OPLAH: variants seen among roughly 807,000 people sequenced by gnomAD.
OPLAH encodes 5-oxoprolinase, ATP-hydrolysing.
A neutral mutation model predicts 122.8 loss-of-function variants in OPLAH; 103 were observed. That is an observed-to-expected ratio of 0.84 (90% CI 0.71 to 0.99). The LOEUF (loss-of-function observed/expected upper bound fraction) is 0.99, where lower values mean the gene tolerates loss of function less well. Among genes scored for constraint, OPLAH ranks in the 50% least tolerant of loss-of-function variants. The probability of loss-of-function intolerance (pLI) is 0.00; values close to 1 mark genes in which losing one functional copy is unlikely to be tolerated. For missense variants in OPLAH, 1,902 were observed against 1,836.5 expected, an observed-to-expected ratio of 1.04 and a Z score of -0.65; for synonymous variants, 875 against 796.0, an observed-to-expected ratio of 1.10 and a Z score of -1.67.
At chr8:144,063,769 G>T (rs1554761265), upstream of OPLAH, 1 of 152,462 alleles carries the variant, frequency 6.6e-6, no homozygotes, top group Non-Finnish European at 1.5e-5. The surrounding 1 kb of genome is among the most constrained non-coding windows in gnomAD (Gnocchi z 4.2). Flanking sequence ...ACCTCAGCCA[G>T]GAACCCGGAG....
In OPLAH at chr8:144,052,497, G is replaced by C. The variant is rs782771293; in HGVS notation, c.3255C>G (p.Arg1085=). 2 of 1,569,050 alleles carry C rather than the reference G, an allele frequency of 1.3e-6. No individual in the cohort carries two copies. The highest frequency in any genetic ancestry group is 1.2e-5 in the South Asian group (1 of 86,592). The change falls in exon 23 of 27, where the codon CGC becomes CGG. Residue 1085 remains arginine, a synonymous_variant. Transcript: ENST00000618853. ...AGGCCCCCAGGATGACATCCACCAC[G>C]CGCTGCGACGTGAGCACGTTGCCGC... ...VVGGNVLTSQ[R]VVDVILGAFG...
Position 144,051,293 on chromosome 8 carries a change from C to T in OPLAH, c.*33G>A, listed in dbSNP as rs781991509. 5 of 1,608,612 alleles carry T rather than the reference C, an allele frequency of 3.1e-6. No homozygotes were observed. Among genetic ancestry groups the T allele is most frequent in the East Asian group, 2.3e-5 (1 of 44,396 alleles). ...GGCGCCGTAGCTGCGTCCCCAGAACCGGGAGACTTAAGGCATCTTTATTGC... is the reference window on the plus strand; with the variant it reads ...GGCGCCGTAGCTGCGTCCCCAGAACTGGGAGACTTAAGGCATCTTTATTGC... On this transcript the variant is annotated 3_prime_UTR_variant, in exon 27 of 27. Coordinates refer to ENST00000618853, the MANE Select transcript of OPLAH (RefSeq NM_017570.5).
chr8:144,051,151 G>A, downstream of OPLAH: 1 of 1,427,880 alleles, frequency 7.0e-7, no homozygotes, highest in Non-Finnish European at 9.1e-7. Context: ...GCCCTGGAGG[G>A]GCTCACGGAC....
At chr8:144,063,301 CA>C (rs1217907861), upstream of OPLAH, among the ~76,000 whole-genome samples, 9 of 152,214 alleles carry the variant, frequency 5.9e-5, no homozygotes, top group Admixed American at 6.5e-5. The surrounding 1 kb of genome is among the most constrained non-coding windows in gnomAD (Gnocchi z 4.2). Flanking sequence ...CTGTTACTTT[CA>C]CCTTCAGAAC....
chr8:144,058,628 T>G lies in OPLAH; in HGVS notation c.651A>C (p.Ser217=), dbSNP rs1554760090. Residue 217 remains serine, a synonymous_variant, in exon 6 of 27, where the codon TCA becomes TCC. Transcript: ENST00000618853. The part of the protein sequence containing the change: ...LARELGFTHV[S]LSSEAMPMVR... Reference sequence around the variant, plus strand: ...CCATGGGCATGGCCTCCGAGGACAGTGACACGTGCGTGAAGCCCAGCTCCC... The same window carrying G: ...CCATGGGCATGGCCTCCGAGGACAGGGACACGTGCGTGAAGCCCAGCTCCC... The G allele has an allele frequency of 6.2e-7, 1 of 1,603,040 alleles. No individual in the cohort carries two copies. Among genetic ancestry groups the G allele is most frequent in the South Asian group, 1.1e-5 (1 of 90,938 alleles).
upstream of OPLAH, among the ~76,000 whole-genome samples, chr8:144,062,779 C>T (rs957511088): frequency 6.6e-6 from 1 of 151,912 alleles, no homozygotes; most frequent in Non-Finnish European, 1.5e-5. Flanking sequence ...CCTCGCCTCT[C>T]TGTTCACTCC....
intron 14 of OPLAH, 29 bp from the exon 15 acceptor site, chr8:144,056,288 C>G: frequency 3.1e-6 from 5 of 1,601,774 alleles, no homozygotes; most frequent in Non-Finnish European, 4.3e-6. Context: ...AGTACAGCGC[C>G]CGGGCCCAGC....
Position 144,058,222 on chromosome 8 carries a change from G to A in OPLAH, c.949+17C>T, listed in dbSNP as rs545310887. On this transcript the variant is annotated intron_variant, in intron 7 of 26. Transcript: ENST00000618853. ...GCAGCTGAGCCTCCCCGAGACCCCA[G>A]CCCTCGGCCCTCATACCTCCCATGT... 4 of 1,604,758 alleles carry A rather than the reference G, an allele frequency of 2.5e-6. No homozygotes were observed. The highest frequency in any genetic ancestry group is 2.7e-5 in the African/African-American group (2 of 74,868).
chr8:144,051,549 C>T (rs1554757664), intron 26 of OPLAH, 77 bp from the exon 27 acceptor site: 2 of 1,253,772 alleles, frequency 1.6e-6, no homozygotes, highest in Non-Finnish European at 2.2e-6. Flanking sequence ...CAGTCCCCTC[C>T]CCACCGGGCA....
chr8:144,051,460 G>A lies in OPLAH; in HGVS notation c.3733C>T (p.Leu1245Phe), dbSNP rs1835372776. The change falls in exon 27 of 27, where the codon CTC (leucine) becomes TTC (phenylalanine). Residue 1245 changes from leucine (L) to phenylalanine (F), a missense_variant. By Grantham distance (22) the Leu-to-Phe change is conservative (BLOSUM62 0). Coordinates refer to ENST00000618853, the MANE Select transcript of OPLAH (RefSeq NM_017570.5). Reference protein sequence around the residue: ...VTVYPGDVFCLHTPGGGGYGD... With the variant: ...VTVYPGDVFCFHTPGGGGYGD... ...TAGCCACCGCCGCCGGGCGTGTGGA[G>A]ACAGAACACATCCTGTTGGCGCGGG... 9.7e-7 allele frequency: 1 copy of A among 1,033,374 alleles called. No individual in the cohort carries two copies. The highest frequency in any genetic ancestry group is 1.9e-5 in the African/African-American group (1 of 52,706). 64.0% of individuals were successfully genotyped at this position (1,033,374 alleles called of 1,614,324 possible).
downstream of OPLAH, chr8:144,050,859 G>T: frequency 1.0e-6 from 1 of 991,990 alleles, no homozygotes. Context: ...TGCCGAGGCG[G>T]TGAGTTGCGA....
rs1554759887 is a variant in OPLAH, at chr8:144,058,220, C to T, written c.949+19G>A. 1.9e-6 allele frequency: 3 copies of T among 1,604,852 alleles called. No homozygotes were observed. Among genetic ancestry groups the T allele is most frequent in the Non-Finnish European group, 2.6e-6 (3 of 1,174,206 alleles). On this transcript the variant is annotated intron_variant, in intron 7 of 26. Coordinates refer to ENST00000618853, the MANE Select transcript of OPLAH (RefSeq NM_017570.5). ...CAGCAGCTGAGCCTCCCCGAGACCC[C>T]AGCCCTCGGCCCTCATACCTCCCAT... is the stretch of plus-strand genomic sequence containing the variant.
chr8:144,055,167 C>T lies in OPLAH; in HGVS notation c.2271G>A (p.Gln757=). Residue 757 remains glutamine (Q), a synonymous_variant, in exon 17 of 27, where the codon CAG becomes CAA. Transcript: ENST00000618853. This position sits in a 1 kb window ranked among gnomAD's most constrained non-coding sequence, Gnocchi z 6.5. Reference sequence around the variant, plus strand: ...TGATGTTGGTGGAGATGGCTGTGCGCTGCAGGATGCGGCCCATCTGCTCTA... The same window carrying T: ...TGATGTTGGTGGAGATGGCTGTGCGTTGCAGGATGCGGCCCATCTGCTCTA... ...SIAEQMGRIL[Q]RTAISTNIKE... is the part of the protein sequence containing the mutation. 6 of 1,554,758 alleles carry T rather than the reference C, an allele frequency of 3.9e-6. No homozygotes were observed. The highest frequency in any genetic ancestry group is 5.2e-6 in the Non-Finnish European group (6 of 1,152,104).
At position 144,052,758 on chromosome 8, in the gene OPLAH, C is replaced by A. The variant is rs782631250; in HGVS notation, c.3153+8G>T. ...GGGGCCCCCCCTCGCGCACACACCC[C>A]TGCGAACCTGGTTGAGTGGGATGTC... On this transcript the variant is annotated splice_region_variant and intron_variant, in intron 22 of 26. Coordinates refer to ENST00000618853, the MANE Select transcript of OPLAH (RefSeq NM_017570.5). 6 of 1,564,552 alleles carry A rather than the reference C, an allele frequency of 3.8e-6. No individual in the cohort carries two copies. In the Admixed American group the frequency reaches 1.1e-4, roughly 30 times the overall value.
At chr8:144,059,242 C>T (rs1835608865) in intron 3 of OPLAH, among the ~76,000 whole-genome samples, 163 bp from the exon 4 acceptor site, 1 of 152,180 alleles carries the variant, frequency 6.6e-6, no homozygotes, top group Non-Finnish European at 1.5e-5. Context: ...AAGGGGGCAG[C>T]TCTCCACCCC....
chr8:144,060,394 A>G (rs919590822), intron 1 of OPLAH, among the ~76,000 whole-genome samples: 88 of 152,310 alleles, frequency 5.8e-4, no homozygotes, highest in African/African-American at 2.1e-3. Flanking sequence ...GGGGTCCCTC[A>G]GCACGAAAGA....
rs879983884 is a variant in OPLAH, at chr8:144,051,811, G to A, written c.3638C>T (p.Ala1213Val). The change falls in exon 26 of 27, where the codon GCC becomes GTC. Residue 1213 changes from alanine to valine, a missense_variant. By Grantham distance (64) the Ala-to-Val change is moderately conservative. Coordinates refer to ENST00000618853, the MANE Select transcript of OPLAH (RefSeq NM_017570.5). Reference protein sequence around the residue: ...PYGLHGGEPGARGLNLLIRKN... With the variant: ...PYGLHGGEPGVRGLNLLIRKN... ...GCGGATCAGCAGGTTTAGGCCGCGG[G>A]CGCCAGGCTCGCCCCCTGCGGAGGG... The A allele has an allele frequency of 4.3e-5, 65 of 1,529,238 alleles. No individual in the cohort carries two copies. The highest frequency in any genetic ancestry group is 5.6e-5 in the Non-Finnish European group (64 of 1,133,500). 94.7% of individuals were successfully genotyped at this position (1,529,238 alleles called of 1,614,324 possible). A position where few individuals can be genotyped will look rare whatever the true frequency, so the allele number is the denominator to read the frequency against.
At position 144,054,686 on chromosome 8, in the gene OPLAH, C is replaced by G; in HGVS notation, c.2561G>C (p.Gly854Ala). Residue 854 changes from glycine (G) to alanine (A), a missense_variant, in exon 19 of 27, where the codon GGG (glycine) becomes GCG (alanine). Transcript: ENST00000618853. ...GATGCCCCCGATGTCTGCGTGGTGCCCTCGGCTGGCCACATAGAACACAGG... is the reference window on the plus strand; with the variant it reads ...GATGCCCCCGATGTCTGCGTGGTGCGCTCGGCTGGCCACATAGAACACAGG... ...TRPVFYVASR[G>A]HHADIGGITP... 1 of 1,612,454 alleles carries G rather than the reference C, an allele frequency of 6.2e-7. No individual in the cohort carries two copies. Among genetic ancestry groups the G allele is most frequent in the African/African-American group, 1.3e-5 (1 of 74,972 alleles).
In OPLAH at chr8:144,057,234, CA is replaced by C; in HGVS notation, c.1508del (p.Leu503ArgfsTer49). 1 of 1,612,192 alleles carries C rather than the reference CA, an allele frequency of 6.2e-7. No homozygotes were observed. Among genetic ancestry groups the C allele is most frequent in the Non-Finnish European group, 8.5e-7 (1 of 1,179,676 alleles). On this transcript the variant is annotated frameshift_variant, in exon 11 of 27. Transcript: ENST00000618853. LOFTEE classifies it high-confidence loss of function. ...GQHACAIARALGMDTVHIHRH... is the reference protein window; with the variant it reads ...GQHACAIARAXGMDTVHIHRH... ...TGTGGATGTGCACCGTGTCCATGCCCAGGGCCCGGGCGATGGCACATGCATG... is the reference window on the plus strand; with the variant it reads ...TGTGGATGTGCACCGTGTCCATGCCCGGGCCCGGGCGATGGCACATGCATG...
Sources: gnomAD v4.1 joint callset for allele counts (sites outside exome capture counted in the v4.1 genomes callset) on GRCh38, gnomAD v4.1.1 for gene constraint, Gnocchi (gnomAD v3.1) non-coding constraint, MANE v1.5 for transcripts, NCBI Gene and HGNC (gene_info 2026-07-23, HGNC 2026-07-21) for gene names.